The following PIEZO2 variants were observed in gnomAD, a reference collection of about 807,000 sequenced individuals.
PIEZO2 encodes the protein piezo-type mechanosensitive ion channel component 2.
In PIEZO2, 172 loss-of-function variants were observed where a neutral mutation model predicts 337.3. The ratio of observed to expected loss-of-function variants is 0.51; its 90% CI spans 0.45 to 0.58. The LOEUF (loss-of-function observed/expected upper bound fraction) is 0.58, where lower values mean the gene tolerates loss of function less well. Among genes scored for constraint, PIEZO2 ranks in the 20% least tolerant of loss-of-function variants. The pLI, the probability that PIEZO2 is intolerant of heterozygous loss-of-function variation, is 0.00. For synonymous variants in PIEZO2, 1,251 were observed against 1,228.5 expected, an observed-to-expected ratio of 1.02 and a Z score of -0.38; for missense variants, 3,028 against 3,391.3, an observed-to-expected ratio of 0.89 and a Z score of 2.66.
rs200189848 is a variant in PIEZO2 at position 10,878,781 on chromosome 18, T to TG, written c.330-7367dup. ...CAGACCATACAAAGCTTGGATGTTT[T>TG]GAAAAAAAAAAAAAATCACATAACC... is the stretch of plus-strand genomic sequence containing the variant. On this transcript the variant is annotated intron_variant, in intron 4 of 55. Transcript: ENST00000674853. This position sits in a 1 kb window ranked among gnomAD's most constrained non-coding sequence, Gnocchi z 4.3. Among the ~76,000 whole-genome samples the TG allele has an allele frequency of 3.7e-3, 512 of 139,660 alleles. 3 individuals are homozygous for TG. The highest frequency in any genetic ancestry group is 0.015 in the African/African-American group (487 of 31,706). The allele number at this position is 139,660 out of a possible 152,430, so 91.6% of individuals were successfully genotyped here. A position where few individuals can be genotyped will look rare whatever the true frequency, so the allele number is the denominator to read the frequency against.
chr18:10,791,435 C>G (rs1188651998), intron 13 of PIEZO2, 111 bp from the exon 14 acceptor site: 2 of 1,207,504 alleles, frequency 1.7e-6, no homozygotes, highest in African/African-American at 3.1e-5. Context: ...ATAAATAAAC[C>G]TTTTTATTGG....
intron 2 of PIEZO2, among the ~76,000 whole-genome samples, chr18:11,059,900 A>C (rs543105635): frequency 2.4e-4 from 37 of 152,364 alleles, no homozygotes; most frequent in African/African-American, 8.9e-4. Flanking sequence ...CTCTGCACCA[A>C]GTGGACCTCA....
At chr18:11,043,784 C>T (rs1156520529) in intron 2 of PIEZO2, among the ~76,000 whole-genome samples, 1 of 152,034 alleles carries the variant, frequency 6.6e-6, no homozygotes, top group East Asian at 1.9e-4. Flanking sequence ...ATTCTTCTGC[C>T]TCAGCCTCCT....
intron 54 of PIEZO2, among the ~76,000 whole-genome samples, chr18:10,674,481 T>C (rs137891252): frequency 8.5e-5 from 13 of 152,394 alleles, no homozygotes; most frequent in South Asian, 2.1e-4. Context: ...GGGCCCTCCA[T>C]TGGGCCTCTA....
intron 1 of PIEZO2, among the ~76,000 whole-genome samples, chr18:11,134,427 T>G (rs2040424844): frequency 6.6e-6 from 1 of 152,202 alleles, no homozygotes; most frequent in African/African-American, 2.4e-5. Context: ...CCAATTGTCC[T>G]TCCCTCTCAC....
chr18:10,749,035 AATGAG>A (rs2037539482), intron 29 of PIEZO2, among the ~76,000 whole-genome samples: 1 of 152,206 alleles, frequency 6.6e-6, no homozygotes, highest in African/African-American at 2.4e-5. Flanking sequence ...CCAGCAGAAT[AATGAG>A]CACAGCATGG....
chr18:10,831,979 A>C (rs1400720468), intron 7 of PIEZO2, among the ~76,000 whole-genome samples: 1 of 152,108 alleles, frequency 6.6e-6, no homozygotes, highest in African/African-American at 2.4e-5. Flanking sequence ...GTTCTTCCCA[A>C]AACAATGCTG....
At chr18:10,916,878 C>T (rs995293351) in intron 3 of PIEZO2, among the ~76,000 whole-genome samples, 1 of 152,198 alleles carries the variant, frequency 6.6e-6, no homozygotes, top group Admixed American at 6.5e-5. Context: ...TGTTTTTATT[C>T]TCCTCCCTAT....
chr18:11,064,149 CA>C (rs1271542244), intron 2 of PIEZO2, among the ~76,000 whole-genome samples: 1 of 152,148 alleles, frequency 6.6e-6, no homozygotes, highest in African/African-American at 2.4e-5. Context: ...TGGTCTAACA[CA>C]AGATGCCTCA....
intron 3 of PIEZO2, among the ~76,000 whole-genome samples, chr18:10,917,019 C>A (rs376415402): frequency 6.6e-6 from 1 of 152,156 alleles, no homozygotes; most frequent in Non-Finnish European, 1.5e-5. Flanking sequence ...TGTCATCAAA[C>A]TTCCTTGCAC....
intron 40 of PIEZO2, among the ~76,000 whole-genome samples, chr18:10,706,406 G>A (rs985111930): frequency 4.6e-5 from 7 of 152,088 alleles, no homozygotes; most frequent in Non-Finnish European, 8.8e-5. Flanking sequence ...CCTGCACTGT[G>A]CCCAGGGCTT....
At position 11,125,841 on chromosome 18, in the gene PIEZO2, G is replaced by A. The variant is rs1479791663; in HGVS notation, c.64+22684C>T. On this transcript the variant is annotated intron_variant, in intron 1 of 55. Transcript: ENST00000674853. The surrounding 1 kb of genome is among the most constrained non-coding windows in gnomAD (Gnocchi z 4.4). The stretch of plus-strand genomic sequence containing the variant: ...ATTTGATTGTATGAAGTGGCTGAGT[G>A]AGTCTGAGATAAGATAGGGCAAGAG... Among the ~76,000 whole-genome samples, 2 of 152,178 alleles carry A rather than the reference G, an allele frequency of 1.3e-5. No homozygotes were observed. Among genetic ancestry groups the A allele is most frequent in the African/African-American group, 2.4e-5 (1 of 41,448 alleles).
intron 2 of PIEZO2, among the ~76,000 whole-genome samples, chr18:11,060,689 C>T (rs2037917045): frequency 6.6e-6 from 1 of 152,206 alleles, no homozygotes; most frequent in Middle Eastern, 3.2e-3. Context: ...CACATACACC[C>T]TCCCAAGACT....
In PIEZO2 at chr18:10,979,128, T is replaced by A. The variant is rs1158425418; in HGVS notation, c.286+407A>T. On this transcript the variant is annotated intron_variant, in intron 3 of 55. Coordinates refer to ENST00000674853, the MANE Select transcript of PIEZO2 (RefSeq NM_001378183.1). The surrounding 1 kb of genome is among the most constrained non-coding windows in gnomAD (Gnocchi z 4.0). ...ATTGTTCTTTGTAATAGGATTAATG[T>A]CATAGTCATGTAATTTCATATAATA... is the stretch of plus-strand genomic sequence containing the variant. 6.6e-6 allele frequency among the ~76,000 whole-genome samples: 1 copy of A among 152,130 alleles called. No homozygotes were observed. Among genetic ancestry groups the A allele is most frequent in the Non-Finnish European group, 1.5e-5 (1 of 68,022 alleles).
At chr18:10,998,569 G>A (rs994383894) in intron 2 of PIEZO2, among the ~76,000 whole-genome samples, 2 of 152,008 alleles carry the variant, frequency 1.3e-5, no homozygotes, top group Admixed American at 6.6e-5. Context: ...TCAAAGATGT[G>A]TCACCTAATA....
Position 10,855,581 on chromosome 18 carries a change from C to A in PIEZO2, c.704-15G>T, listed in dbSNP as rs1054940895. On this transcript the variant is annotated splice_polypyrimidine_tract_variant and intron_variant, in intron 6 of 55. Coordinates refer to ENST00000674853, the MANE Select transcript of PIEZO2 (RefSeq NM_001378183.1). This position sits in a 1 kb window ranked among gnomAD's most constrained non-coding sequence, Gnocchi z 4.9. ...CAACATCATGCCTAAGGAAGAGAAA[C>A]GTAATCACAAAGTCAGGTAGAACTG... The A allele has an allele frequency of 6.6e-7, 1 of 1,516,770 alleles. No individual in the cohort carries two copies. The highest frequency in any genetic ancestry group is 8.8e-7 in the Non-Finnish European group (1 of 1,129,944). 94.0% of individuals were successfully genotyped at this position (1,516,770 alleles called of 1,614,324 possible).
At chr18:10,946,215 C>A (rs1295616253) in intron 3 of PIEZO2, among the ~76,000 whole-genome samples, 1 of 152,098 alleles carries the variant, frequency 6.6e-6, no homozygotes, top group Admixed American at 6.6e-5. Context: ...ATCTTAACAG[C>A]AGCCAGAGAT....
chr18:11,051,370 G>GTGTGTGTGTGTGT (rs1568330522), intron 2 of PIEZO2, among the ~76,000 whole-genome samples: 212 of 97,298 alleles, frequency 2.2e-3, no homozygotes, highest in Middle Eastern at 8.6e-3. Context: ...TGTGTGTGTG[G>GTGTGTGTGTGTGT]GTGTGGGTGT....
intron 2 of PIEZO2, among the ~76,000 whole-genome samples, chr18:11,061,080 G>C (rs141143382): frequency 0.031 from 4,765 of 152,272 alleles, 103 homozygotes; most frequent in South Asian, 0.1. Flanking sequence ...CTTCATCCCT[G>C]GGATGCAAGG....
Sources: allele counts gnomAD v4.1 joint callset (sites outside exome capture counted in the v4.1 genomes callset), GRCh38; gene constraint gnomAD v4.1.1; non-coding constraint Gnocchi (gnomAD v3.1); transcripts MANE v1.5; gene names NCBI Gene and HGNC (gene_info 2026-07-23, HGNC 2026-07-21).